Variants in PRKN observed in about 807,000 individuals in gnomAD.
The protein encoded by PRKN is parkin RBR E3 ubiquitin protein ligase, also known as E3 ubiquitin-protein ligase parkin.
Under a neutral mutation model 59.5 loss-of-function variants are expected in PRKN, and 56 were observed. The ratio of observed to expected loss-of-function variants is 0.94; its 90% CI spans 0.76 to 1.18. PRKN has a LOEUF of 1.18. PRKN is among the 50% of genes most tolerant of loss of function. The probability of loss-of-function intolerance (pLI) is 0.00; values close to 1 mark genes in which losing one functional copy is unlikely to be tolerated. For synonymous variants in PRKN, 250 were observed against 222.1 expected, an observed-to-expected ratio of 1.13 and a Z score of -1.12; for missense variants, 657 against 596.4, an observed-to-expected ratio of 1.10 and a Z score of -1.06.
intron 2 of PRKN, among the ~76,000 whole-genome samples, chr6:162,380,359 T>C (rs1213325450): frequency 6.7e-6 from 1 of 149,614 alleles, no homozygotes; most frequent in Non-Finnish European, 1.5e-5. Context: ...CATTATTCAT[T>C]TAGGAAAGGA....
chr6:161,683,281 T>C (rs1022301407), intron 7 of PRKN, among the ~76,000 whole-genome samples: 1 of 152,282 alleles, frequency 6.6e-6, no homozygotes, highest in South Asian at 2.1e-4. Flanking sequence ...ACTCAGTCTC[T>C]CTTGTTCCAG....
chr6:161,978,021 T>G (rs546336743), intron 5 of PRKN, among the ~76,000 whole-genome samples: 5 of 126,652 alleles, frequency 3.9e-5, no homozygotes, highest in South Asian at 2.1e-4. Context: ...TTATTGTATT[T>G]TATTTTATTG....
At chr6:161,615,167 A>G (rs1247035454) in intron 7 of PRKN, among the ~76,000 whole-genome samples, 3 of 152,134 alleles carry the variant, frequency 2.0e-5, no homozygotes, top group Non-Finnish European at 2.9e-5. Context: ...TTTTCTTTTA[A>G]TGAGATGATA....
chr6:162,600,628 GGGCCAGATGGGAGGTGCATA>G (rs1781670065), intron 1 of PRKN, among the ~76,000 whole-genome samples: 1 of 152,096 alleles, frequency 6.6e-6, no homozygotes, highest in South Asian at 2.1e-4. Flanking sequence ...TTTGGAAGTG[GGGCCAGATGGGAGGTGCATA>G]GATCATGGGG....
chr6:162,031,009 T>C (rs931638179), intron 5 of PRKN, among the ~76,000 whole-genome samples: 2 of 152,124 alleles, frequency 1.3e-5, no homozygotes, highest in Admixed American at 6.5e-5. Context: ...CTATAGCGCA[T>C]TTCCTCCTCT....
chr6:161,824,519 T>C (rs1007246032), intron 6 of PRKN, among the ~76,000 whole-genome samples: 9 of 152,218 alleles, frequency 5.9e-5, no homozygotes, highest in Admixed American at 1.3e-4. Flanking sequence ...AGTTATGAAG[T>C]TGCGTGATTT....
At chr6:161,913,757 G>A (rs1778453438) in intron 6 of PRKN, among the ~76,000 whole-genome samples, 1 of 152,200 alleles carries the variant, frequency 6.6e-6, no homozygotes, top group East Asian at 1.9e-4. Context: ...AAATTCATAT[G>A]TTGAAACCAT....
At chr6:161,453,171 A>G (rs1244751093) in intron 9 of PRKN, among the ~76,000 whole-genome samples, 1 of 152,150 alleles carries the variant, frequency 6.6e-6, no homozygotes, top group Admixed American at 6.5e-5. Flanking sequence ...TTTATAGCCA[A>G]TGAGGGCCTG....
At chr6:161,631,773 A>ACACG (rs1021335899) in intron 7 of PRKN, among the ~76,000 whole-genome samples, 1 of 10,614 alleles carries the variant, frequency 9.4e-5, no homozygotes, top group African/African-American at 3.4e-3. Context: ...ACCCAGACAA[A>ACACG]CACACACACA....
intron 2 of PRKN, among the ~76,000 whole-genome samples, chr6:162,307,329 G>A (rs1782277488): frequency 6.6e-6 from 1 of 151,612 alleles, no homozygotes; most frequent in South Asian, 2.1e-4. Flanking sequence ...TAACCCAGGA[G>A]GTGGAGGTTG....
intron 6 of PRKN, among the ~76,000 whole-genome samples, chr6:161,808,041 G>C (rs1398569960): frequency 6.6e-6 from 1 of 152,124 alleles, no homozygotes. Flanking sequence ...GAATTTTCCA[G>C]AGTAATTGAC....
Position 162,266,299 on chromosome 6 carries a change from TGTGTGTG to T in PRKN, c.172-3541_172-3535del, listed in dbSNP as rs1468375546. On this transcript the variant is annotated intron_variant, in intron 2 of 11. Transcript: ENST00000366898. ...GCTTGGACAGTATATACATATATAT[TGTGTGTG>T]TGTGTGTGTGTGTGTGTGTGTGTGT... Among the ~76,000 whole-genome samples the T allele has an allele frequency of 1.5e-4, 6 of 40,218 alleles. No homozygotes were observed. The African/African-American group carries it at 1.6e-3, about 11-fold the overall frequency. The allele number at this position is 40,218 out of a possible 152,430, so 26.4% of individuals were successfully genotyped here.
intron 4 of PRKN, among the ~76,000 whole-genome samples, chr6:162,135,920 C>T (rs867531626): frequency 1.3e-5 from 2 of 151,862 alleles, no homozygotes; most frequent in African/African-American, 2.4e-5. Flanking sequence ...TCTACAAAAG[C>T]GCTCAAAATA....
Position 161,566,676 on chromosome 6 carries a change from G to T in PRKN, c.933+2679C>A, listed in dbSNP as rs973771667. ...TTCGCCTTAGCCTCCCAAAGATGTG[G>T]GATTACAGGTGTGAGCTGCCACGCC... On this transcript the variant is annotated intron_variant, in intron 8 of 11. Coordinates refer to ENST00000366898, the MANE Select transcript of PRKN (RefSeq NM_004562.3). The surrounding 1 kb of genome is among the most constrained non-coding windows in gnomAD (Gnocchi z 4.1). Among the ~76,000 whole-genome samples the T allele has an allele frequency of 4.6e-5, 7 of 152,068 alleles. No homozygotes were observed. The highest frequency in any genetic ancestry group is 1.9e-4 in the East Asian group (1 of 5,176).
chr6:161,535,154 A>G (rs1199858042), intron 9 of PRKN, among the ~76,000 whole-genome samples: 1 of 152,218 alleles, frequency 6.6e-6, no homozygotes, highest in Non-Finnish European at 1.5e-5. Context: ...CTTTCAGTTT[A>G]TGGCACTACT....
chr6:162,638,066 A>T (rs2849556), intron 1 of PRKN, among the ~76,000 whole-genome samples: 92,896 of 151,662 alleles, frequency 0.61, 29,210 homozygotes, highest in African/African-American at 0.75. Flanking sequence ...TTCATTTTTT[A>T]AAAAAATAAA....
chr6:161,749,347 A>G (rs1788578545), intron 7 of PRKN, among the ~76,000 whole-genome samples: 1 of 152,176 alleles, frequency 6.6e-6, no homozygotes, highest in South Asian at 2.1e-4. Flanking sequence ...ACGCACATAC[A>G]CATGTATGTG....
At chr6:162,406,817 G>A (rs988787186) in intron 2 of PRKN, among the ~76,000 whole-genome samples, 1 of 152,104 alleles carries the variant, frequency 6.6e-6, no homozygotes, top group East Asian at 1.9e-4. Flanking sequence ...CTGATGGGAA[G>A]CTTTTCAGAA....
At position 162,265,797 on chromosome 6, in the gene PRKN, C is replaced by T. The variant is rs541802396; in HGVS notation, c.172-3032G>A. ...ACACTCACAGCATGAAGCAGGGACCCGCAGCTGAAGCCAGCCTGAGGCCGC... is the reference window on the plus strand; with the variant it reads ...ACACTCACAGCATGAAGCAGGGACCTGCAGCTGAAGCCAGCCTGAGGCCGC... On this transcript the variant is annotated intron_variant, in intron 2 of 11. Coordinates refer to ENST00000366898, the MANE Select transcript of PRKN (RefSeq NM_004562.3). Among the ~76,000 whole-genome samples the T allele has an allele frequency of 2.0e-5, 3 of 152,268 alleles. No individual in the cohort carries two copies. In the East Asian group the frequency reaches 5.8e-4, roughly 29 times the overall value.
Sources: gnomAD v4.1 joint callset for allele counts (sites outside exome capture counted in the v4.1 genomes callset) on GRCh38, gnomAD v4.1.1 for gene constraint, Gnocchi (gnomAD v3.1) non-coding constraint, MANE v1.5 for transcripts, NCBI Gene and HGNC (gene_info 2026-07-23, HGNC 2026-07-21) for gene names.